TRRAP: variants seen among roughly 807,000 people sequenced by gnomAD.
The protein encoded by TRRAP is transformation/transcription domain-associated protein.
In TRRAP, 41 loss-of-function variants were observed where a neutral mutation model predicts 438.8. The observed-to-expected ratio is 0.09, with a 90% CI of 0.07 to 0.12. TRRAP has a LOEUF of 0.12. Ranked by LOEUF, TRRAP falls within the 10% of genes least tolerant of loss-of-function variation. The probability of loss-of-function intolerance (pLI) is 1.00; values close to 1 mark genes in which losing one functional copy is unlikely to be tolerated. For synonymous variants in TRRAP, 1,994 were observed against 1,962.9 expected, an observed-to-expected ratio of 1.02 and a Z score of -0.42; for missense variants, 3,122 against 5,055.1, an observed-to-expected ratio of 0.62 and a Z score of 11.60.
At chr7:98,879,171 C>T (rs1795305524) in intron 1 of TRRAP, among the ~76,000 whole-genome samples, 1 of 152,146 alleles carries the variant, frequency 6.6e-6, no homozygotes. Flanking sequence ...AGTTTGTCCC[C>T]AGGAGTAGGA....
chr7:98,957,334 C>A (rs1224250265), intron 43 of TRRAP, among the ~76,000 whole-genome samples: 1 of 152,230 alleles, frequency 6.6e-6, no homozygotes, highest in Non-Finnish European at 1.5e-5. Context: ...AGCAGTCAGA[C>A]TTCCACAAAA....
Position 98,948,370 on chromosome 7 carries a change from C to G in TRRAP, c.4668+30C>G. On this transcript the variant is annotated intron_variant, in intron 34 of 72. Transcript: ENST00000456197. This position sits in a 1 kb window ranked among gnomAD's most constrained non-coding sequence, Gnocchi z 4.9. The stretch of plus-strand genomic sequence containing the variant: ...GGGCCATACTGAAGGCTGCTTCTCG[C>G]TCTGCCACCCTCCGGTGCTTATAGC... 1 of 1,613,870 alleles carries G rather than the reference C, an allele frequency of 6.2e-7. No individual in the cohort carries two copies. The highest frequency in any genetic ancestry group is 2.2e-5 in the East Asian group (1 of 44,878).
intron 11 of TRRAP, among the ~76,000 whole-genome samples, chr7:98,901,515 G>A (rs1796467600): frequency 1.3e-5 from 2 of 152,204 alleles, no homozygotes; most frequent in African/African-American, 4.8e-5. Context: ...TGAGTATTCA[G>A]ATTATTTCTA....
At chr7:98,878,767 T>C (rs1310414798) in intron 1 of TRRAP, 130 bp downstream of exon 1, 2 of 151,758 alleles carry the variant, frequency 1.3e-5, no homozygotes, top group Non-Finnish European at 2.9e-5. Context: ...CGGGATCCCC[T>C]AGGCCCCAGC....
At chr7:98,983,984 AT>A in intron 60 of TRRAP, 108 bp from the exon 61 acceptor site, 1 of 1,384,288 alleles carries the variant, frequency 7.2e-7, no homozygotes, top group Non-Finnish European at 9.6e-7. Context: ...AGAGCTGCCC[AT>A]TTTCATAAGC....
chr7:98,998,826 T>C (rs1217221717), intron 67 of TRRAP: 2 of 273,800 alleles, frequency 7.3e-6, no homozygotes, highest in Non-Finnish European at 1.4e-5. Flanking sequence ...GTTACAGAAA[T>C]CTTGTCTTGG....
chr7:98,936,835 G>A (rs1389943434), intron 28 of TRRAP, among the ~76,000 whole-genome samples: 1 of 152,176 alleles, frequency 6.6e-6, no homozygotes, highest in Non-Finnish European at 1.5e-5. Context: ...TACTCAACAT[G>A]TGGATGGAAG....
intron 12 of TRRAP, among the ~76,000 whole-genome samples, chr7:98,904,585 T>TTA (rs1375754974): frequency 6.6e-6 from 1 of 152,036 alleles, no homozygotes; most frequent in Non-Finnish European, 1.5e-5. Context: ...TAAAGCTTGG[T>TTA]TTTAATCAGT....
rs201440348 is a variant in TRRAP at position 98,990,547 on chromosome 7, G to A, written c.9684G>A (p.Leu3228=). The A allele has an allele frequency of 1.9e-6, 3 of 1,614,034 alleles. No individual in the cohort carries two copies. The highest frequency in any genetic ancestry group is 1.7e-5 in the Admixed American group (1 of 60,014). The change falls in exon 64 of 73, where the codon CTG becomes CTA. Residue 3228 remains leucine (L), a synonymous_variant. Transcript: ENST00000456197. ...YCIGVPPIQW[L]AWIPQLLTCL... ...TTGGTGTGCCACCCATCCAGTGGCT[G>A]GCCTGGATCCCACAGCTGCTCACCT...
intron 8 of TRRAP, 76 bp downstream of exon 8, chr7:98,897,942 T>TC (rs2116336410): frequency 1.9e-6 from 3 of 1,594,344 alleles, no homozygotes; most frequent in Middle Eastern, 1.7e-4. Context: ...CATTTTTTTT[T>TC]CTCTTAAATA....
At chr7:98,993,427 TCA>T in intron 65 of TRRAP, 109 bp from the exon 66 acceptor site, 1 of 1,192,270 alleles carries the variant, frequency 8.4e-7, no homozygotes. Flanking sequence ...TTGTAGGGAT[TCA>T]CACGCCGGCA....
intron 20 of TRRAP, among the ~76,000 whole-genome samples, chr7:98,920,869 C>T (rs1486996682): frequency 2.0e-5 from 3 of 151,952 alleles, no homozygotes; most frequent in African/African-American, 4.8e-5. Flanking sequence ...GATGAAGTTT[C>T]GCTCTTGTTG....
chr7:98,887,121 T>C (rs1359254712), intron 3 of TRRAP, among the ~76,000 whole-genome samples: 1 of 152,142 alleles, frequency 6.6e-6, no homozygotes, highest in Non-Finnish European at 1.5e-5. Flanking sequence ...GGTCTTGTTA[T>C]GTTGCCCCAG....
chr7:98,888,375 TAA>T (rs79723315), intron 3 of TRRAP, among the ~76,000 whole-genome samples: 2 of 135,840 alleles, frequency 1.5e-5, no homozygotes, highest in Non-Finnish European at 1.6e-5. Flanking sequence ...TATCTCCACT[TAA>T]AAAAAAAAAG....
chr7:98,967,326 T>C (rs565635414), intron 50 of TRRAP, among the ~76,000 whole-genome samples, 159 bp from the exon 51 acceptor site: 2 of 152,274 alleles, frequency 1.3e-5, no homozygotes, highest in East Asian at 3.9e-4. Flanking sequence ...TAAAGGACCT[T>C]GTGTTGTAAT....
intron 5 of TRRAP, 137 bp downstream of exon 5, chr7:98,892,665 T>C: frequency 1.5e-6 from 1 of 666,218 alleles, no homozygotes; most frequent in South Asian, 2.1e-5. Flanking sequence ...AAATTTTTCT[T>C]AATGTCCCTT....
intron 62 of TRRAP, 95 bp downstream of exon 62, chr7:98,985,139 A>G (rs1793095831): frequency 1.5e-5 from 14 of 903,996 alleles, no homozygotes; most frequent in Non-Finnish European, 1.7e-6. Flanking sequence ...CAAGCTAGAA[A>G]TGGGTATGAT....
At chr7:98,906,335 C>T in intron 13 of TRRAP, 80 bp downstream of exon 13, 1 of 1,138,862 alleles carries the variant, frequency 8.8e-7, no homozygotes, top group Middle Eastern at 2.0e-4. Flanking sequence ...ACAAGTGTTT[C>T]AATGAACACC....
intron 33 of TRRAP, 40 bp downstream of exon 33, chr7:98,945,990 G>C: frequency 7.1e-7 from 1 of 1,409,160 alleles, no homozygotes; most frequent in South Asian, 1.4e-5. Context: ...GGTTGTTGTC[G>C]TTGCTGGTTT....
Sources: gnomAD v4.1 joint callset for allele counts (sites outside exome capture counted in the v4.1 genomes callset) on GRCh38, gnomAD v4.1.1 for gene constraint, Gnocchi (gnomAD v3.1) non-coding constraint, MANE v1.5 for transcripts, NCBI Gene and HGNC (gene_info 2026-07-23, HGNC 2026-07-21) for gene names.